YLPM1: variants seen among roughly 807,000 people sequenced by gnomAD.
YLPM1 encodes YLP motif-containing protein 1.
YLPM1 carries 99 observed loss-of-function variants against 230.0 expected under a neutral mutation model. That is an observed-to-expected ratio of 0.43 (90% CI 0.37 to 0.51). The LOEUF is 0.51. YLPM1 is among the 20% of genes least tolerant of loss of function. The pLI, the probability that YLPM1 is intolerant of heterozygous loss-of-function variation, is 0.00. For synonymous variants in YLPM1, 984 were observed against 942.5 expected, an observed-to-expected ratio of 1.04 and a Z score of -0.81; for missense variants, 2,592 against 2,707.7, an observed-to-expected ratio of 0.96 and a Z score of 0.95.
At chr14:74,824,581 A>G (rs527731114) in intron 18 of YLPM1, among the ~76,000 whole-genome samples, 52 of 152,238 alleles carry the variant, frequency 3.4e-4, no homozygotes, top group South Asian at 8.3e-4. Context: ...TATAAAATCT[A>G]TTCTTTTATA....
At chr14:74,804,148 T>TC (rs1274568470) in intron 6 of YLPM1, among the ~76,000 whole-genome samples, 2 of 152,074 alleles carry the variant, frequency 1.3e-5, no homozygotes, top group East Asian at 3.9e-4. Context: ...CGGGCGAAAC[T>TC]CCATCTCAAA....
chr14:74,822,153 A>G (rs1232434573), intron 17 of YLPM1: 2 of 152,100 alleles, frequency 1.3e-5, no homozygotes, highest in Non-Finnish European at 2.9e-5. Context: ...TTTTAAATCT[A>G]GTTTTCTTAA....
chr14:74,780,624 G>T, intron 3 of YLPM1, 40 bp downstream of exon 3: 1 of 1,523,162 alleles, frequency 6.6e-7, no homozygotes, highest in South Asian at 1.3e-5. Flanking sequence ...GTTGCCCCAA[G>T]ACATTGAAAG....
At chr14:74,803,049 A>G (rs1040755036) in intron 6 of YLPM1, among the ~76,000 whole-genome samples, 14 of 151,942 alleles carry the variant, frequency 9.2e-5, no homozygotes, top group East Asian at 1.9e-4. Context: ...GCTTGAGCCC[A>G]GGAGTTTGAC....
At chr14:74,827,285 A>T (rs2091571487) in intron 18 of YLPM1, 1 of 934,016 alleles carries the variant, frequency 1.1e-6, no homozygotes, top group Admixed American at 6.2e-5. Context: ...GTGTGCATGT[A>T]TTGAACACCA....
In YLPM1 at chr14:74,782,000, C is replaced by A. The variant is rs752494925; in HGVS notation, c.1957C>A (p.Pro653Thr). The A allele has an allele frequency of 6.2e-7, 1 of 1,613,850 alleles. No individual in the cohort carries two copies. Among genetic ancestry groups the A allele is most frequent in the Admixed American group, 1.7e-5 (1 of 60,006 alleles). ...PPQLTAAPVPPASSSQSSQVP... is the reference protein window; with the variant it reads ...PPQLTAAPVPTASSSQSSQVP... Reference sequence around the variant, plus strand: ...TCAGTTAACAGCAGCCCCAGTTCCACCAGCCTCCAGTTCACAGAGCTCGCA... The same window carrying A: ...TCAGTTAACAGCAGCCCCAGTTCCAACAGCCTCCAGTTCACAGAGCTCGCA... Residue 653 changes from proline (P) to threonine (T), a missense_variant, in exon 4 of 21, where the codon CCA becomes ACA. Physicochemically the swap from Pro to Thr is conservative, Grantham distance 38 (BLOSUM62 -1). Transcript: ENST00000325680.
At chr14:74,771,082 G>C (rs2090972499) in intron 1 of YLPM1, among the ~76,000 whole-genome samples, 1 of 152,064 alleles carries the variant, frequency 6.6e-6, no homozygotes, top group African/African-American at 2.4e-5. Flanking sequence ...GGTGGATGGT[G>C]GTCAAATTTA....
intron 5 of YLPM1, 41 bp from the exon 6 acceptor site, chr14:74,802,510 GGAATA>G (rs2091338029): frequency 6.4e-7 from 1 of 1,555,218 alleles, no homozygotes; most frequent in African/African-American, 1.4e-5. Flanking sequence ...ACTTAGGAAT[GGAATA>G]AGCATGCTTT....
intron 5 of YLPM1, among the ~76,000 whole-genome samples, 172 bp from the exon 6 acceptor site, chr14:74,802,384 C>A (rs143156868): frequency 1.6e-3 from 243 of 152,128 alleles, no homozygotes; most frequent in African/African-American, 5.7e-3. Flanking sequence ...GATGAGTTAG[C>A]TACATAAAAG....
Position 74,782,199 on chromosome 14 carries a change from G to A in YLPM1, c.2156G>A (p.Gly719Glu), listed in dbSNP as rs2140090162. The A allele has an allele frequency of 1.2e-6, 2 of 1,606,916 alleles. No individual in the cohort carries two copies. Among genetic ancestry groups the A allele is most frequent in the East Asian group, 2.2e-5 (1 of 44,878 alleles). The change falls in exon 4 of 21, where the codon GGA (glycine) becomes GAA (glutamate). Residue 719 changes from glycine to glutamate, a missense_variant. By Grantham distance (98) the Gly-to-Glu change is moderately conservative. Transcript: ENST00000325680. ...LPYSSFSSDQ[G>E]LGESSAAPSQ... ...TACAGTTCATTCTCATCTGATCAAG[G>A]ACTTGGGGAGTCTTCAGCTGCTCCA...
intron 1 of YLPM1, among the ~76,000 whole-genome samples, chr14:74,772,875 G>T (rs896452899): frequency 6.6e-6 from 1 of 152,094 alleles, no homozygotes; most frequent in Non-Finnish European, 1.5e-5. Context: ...GGTCAGTAAG[G>T]ACATTTGTGA....
intron 6 of YLPM1, 67 bp downstream of exon 6, chr14:74,802,743 T>A: frequency 6.9e-7 from 1 of 1,455,682 alleles, no homozygotes; most frequent in Non-Finnish European, 9.1e-7. Flanking sequence ...GTTGTTTGAT[T>A]TTTTTTAGAA....
Position 74,798,426 on chromosome 14 carries a change from G to A in YLPM1, c.3129G>A (p.Gln1043=). The A allele has an allele frequency of 3.1e-6, 5 of 1,613,982 alleles. No individual in the cohort carries two copies. Among genetic ancestry groups the A allele is most frequent in the Non-Finnish European group, 4.2e-6 (5 of 1,179,902 alleles). ...DKGLVNRGRG[Q]AISRGPGLVK... ...GTCTAGTAAACAGAGGTCGCGGCCA[G>A]GCAATCAGTCGAGGCCCAGGATTGG... The change falls in exon 5 of 21, where the codon CAG becomes CAA. Residue 1043 remains glutamine (Q), a synonymous_variant. Transcript: ENST00000325680.
intron 1 of YLPM1, among the ~76,000 whole-genome samples, chr14:74,776,682 A>G (rs139034287): frequency 4.6e-5 from 7 of 152,212 alleles, no homozygotes; most frequent in South Asian, 2.1e-4. Context: ...GAATGCACAC[A>G]TGAGTCAGGG....
intron 17 of YLPM1, chr14:74,822,176 C>A (rs1376480382): frequency 6.6e-6 from 1 of 152,000 alleles, no homozygotes; most frequent in Admixed American, 6.5e-5. Context: ...TGTATTTTGG[C>A]ATATATAATT....
At chr14:74,790,980 G>T (rs995902522) in intron 4 of YLPM1, among the ~76,000 whole-genome samples, 3 of 152,206 alleles carry the variant, frequency 2.0e-5, no homozygotes. Context: ...AGTGGCTCAT[G>T]CCTGTAATCC....
intron 18 of YLPM1, among the ~76,000 whole-genome samples, chr14:74,826,075 G>T (rs2091559682): frequency 6.6e-6 from 1 of 152,118 alleles, no homozygotes; most frequent in Non-Finnish European, 1.5e-5. Flanking sequence ...TCAGTGAAAG[G>T]CACTGAAGAT....
chr14:74,774,732 CGGG>C (rs1002377205), intron 1 of YLPM1, among the ~76,000 whole-genome samples: 6 of 150,842 alleles, frequency 4.0e-5, no homozygotes, highest in African/African-American at 1.5e-4. Context: ...TTTGTAGAGA[CGGG>C]GTTTCACCAT....
intron 7 of YLPM1, 28 bp from the exon 8 acceptor site, chr14:74,809,882 G>C: frequency 6.2e-7 from 1 of 1,603,356 alleles, no homozygotes. Context: ...CACTCTTACA[G>C]TACTTTATCT....
Sources: allele counts gnomAD v4.1 joint callset (sites outside exome capture counted in the v4.1 genomes callset), GRCh38; gene constraint gnomAD v4.1.1; transcripts MANE v1.5; gene names NCBI Gene and HGNC (gene_info 2026-07-23, HGNC 2026-07-21).